LGI1: variants seen among roughly 807,000 people sequenced by gnomAD.
The protein encoded by LGI1 is leucine-rich glioma-inactivated protein 1.
A neutral mutation model predicts 57.7 loss-of-function variants in LGI1; 11 were observed. The observed-to-expected ratio is 0.19, with a 90% CI of 0.12 to 0.32. LGI1 has a LOEUF of 0.32. Among genes scored for constraint, LGI1 ranks in the 10% least tolerant of loss-of-function variants. The pLI is 1.00. For synonymous variants in LGI1, 222 were observed against 241.9 expected (o/e 0.92, Z 0.76); for missense variants, 422 against 661.9 (o/e 0.64, Z 3.98).
chr10:93,794,590 C>T (rs2134023397), intron 7 of LGI1: 1 of 152,196 alleles, frequency 6.6e-6, no homozygotes, highest in East Asian at 1.9e-4. Context: ...GTTTCGAATT[C>T]CTGGCCTCAA....
At chr10:93,768,962 G>A (rs1207244332) in intron 2 of LGI1, 1 of 152,210 alleles carries the variant, frequency 6.6e-6, no homozygotes, top group African/African-American at 2.4e-5. Context: ...TTTCAAGGTT[G>A]AGAGTCAAAA....
Position 93,797,922 on chromosome 10 carries a change from T to A in LGI1, c.*119T>A. 4 of 768,238 alleles carry A rather than the reference T, an allele frequency of 5.2e-6. No homozygotes were observed. In the South Asian group the frequency reaches 5.7e-5, roughly 11 times the overall value. The allele number at this position is 768,238 out of a possible 1,614,324, so 47.6% of individuals were successfully genotyped here. A position where few individuals can be genotyped will look rare whatever the true frequency, so the allele number is the denominator to read the frequency against. ...ATGAATGCCTTTCAAACATTGAGAC[T>A]GCTAGAACCAAGCACTACCAGTATC... On this transcript the variant is annotated 3_prime_UTR_variant, in exon 8 of 8. Coordinates refer to ENST00000371418, the MANE Select transcript of LGI1 (RefSeq NM_005097.4). The surrounding 1 kb of genome is among the most constrained non-coding windows in gnomAD (Gnocchi z 6.5).
chr10:93,796,521 C>T (rs2059981143), intron 7 of LGI1, among the ~76,000 whole-genome samples: 1 of 152,132 alleles, frequency 6.6e-6, no homozygotes, highest in Non-Finnish European at 1.5e-5. Flanking sequence ...TCAGTTTACT[C>T]ATGTGGAAAA....
intron 2 of LGI1, chr10:93,764,888 T>G (rs536535814): frequency 6.6e-6 from 1 of 152,286 alleles, no homozygotes; most frequent in South Asian, 2.1e-4. Context: ...AATCTCAGCT[T>G]TAAACATTTT....
At position 93,797,854 on chromosome 10, in the gene LGI1, G is replaced by A. The variant is rs185233213; in HGVS notation, c.*51G>A. ...AGAAATTTTCTACAGTACATGACCC[G>A]GATGAACTCAATGCATGATGACTCT... is the stretch of plus-strand genomic sequence containing the variant. On this transcript the variant is annotated 3_prime_UTR_variant, in exon 8 of 8. Coordinates refer to ENST00000371418, the MANE Select transcript of LGI1 (RefSeq NM_005097.4). The surrounding 1 kb of genome is among the most constrained non-coding windows in gnomAD (Gnocchi z 6.5). 55 of 1,235,408 alleles carry A rather than the reference G, an allele frequency of 4.5e-5. No individual in the cohort carries two copies. Among genetic ancestry groups the A allele is most frequent in the Non-Finnish European group, 4.8e-5 (41 of 848,752 alleles). 76.5% of individuals were successfully genotyped at this position (1,235,408 alleles called of 1,614,324 possible). A position where few individuals can be genotyped will look rare whatever the true frequency, so the allele number is the denominator to read the frequency against.
chr10:93,779,498 AAG>A (rs2059827550), intron 4 of LGI1, among the ~76,000 whole-genome samples: 1 of 148,948 alleles, frequency 6.7e-6, no homozygotes, highest in Non-Finnish European at 1.5e-5. Context: ...GGGAGGGAGA[AAG>A]AAAAAGAGGA....
At chr10:93,775,239 T>C (rs1589760443) in intron 2 of LGI1, among the ~76,000 whole-genome samples, 1 of 152,184 alleles carries the variant, frequency 6.6e-6, no homozygotes, top group Non-Finnish European at 1.5e-5. Flanking sequence ...CAATTACTCC[T>C]TGCCTCCAAG....
intron 2 of LGI1, chr10:93,771,938 G>A (rs1394361955): frequency 6.7e-6 from 1 of 149,742 alleles, no homozygotes; most frequent in East Asian, 2.0e-4. Flanking sequence ...TCGTGCCATG[G>A]CACTCCAGCC....
At chr10:93,776,083 T>G (rs1459782609) in intron 2 of LGI1, 1 of 152,202 alleles carries the variant, frequency 6.6e-6, no homozygotes, top group Non-Finnish European at 1.5e-5. Context: ...AATTCTAACA[T>G]GTGTCACTGT....
At chr10:93,766,919 G>A (rs2059686332) in intron 2 of LGI1, 1 of 152,046 alleles carries the variant, frequency 6.6e-6, no homozygotes, top group South Asian at 2.1e-4. Flanking sequence ...TCAATGTCAC[G>A]CCCCTATTAA....
chr10:93,781,315 C>T (rs1191008571), intron 4 of LGI1, among the ~76,000 whole-genome samples: 10 of 152,046 alleles, frequency 6.6e-5, no homozygotes, highest in African/African-American at 2.2e-4. Flanking sequence ...GCCGAGATCA[C>T]GCCATTGCAC....
At chr10:93,766,542 T>G (rs1283822046) in intron 2 of LGI1, among the ~76,000 whole-genome samples, 1 of 57,944 alleles carries the variant, frequency 1.7e-5, no homozygotes, top group Non-Finnish European at 3.1e-5. Flanking sequence ...TCTCGCTCTG[T>G]CCCCCAGGCT....
chr10:93,776,749 T>A (rs1384896598), intron 2 of LGI1: 1 of 153,926 alleles, frequency 6.5e-6, no homozygotes, highest in Non-Finnish European at 1.4e-5. Flanking sequence ...ACCAAATCCT[T>A]GTGGATTTTG....
At chr10:93,790,306 C>A in intron 5 of LGI1, 136 bp downstream of exon 5, 2 of 787,736 alleles carry the variant, frequency 2.5e-6, no homozygotes, top group South Asian at 1.8e-5. Flanking sequence ...TTTAACTGGC[C>A]AAAAATTTAA....
At chr10:93,773,640 G>A (rs965773932) in intron 2 of LGI1, among the ~76,000 whole-genome samples, 1 of 152,106 alleles carries the variant, frequency 6.6e-6, no homozygotes, top group African/African-American at 2.4e-5. Context: ...ATACTCCCGT[G>A]GTTGCAGAAG....
intron 7 of LGI1, chr10:93,794,766 GTT>G (rs34757375): frequency 6.6e-6 from 1 of 152,066 alleles, no homozygotes. Context: ...TTTAATATCA[GTT>G]TTAGCTTCTA....
intron 4 of LGI1, chr10:93,789,832 A>AC: frequency 2.3e-6 from 1 of 428,960 alleles, no homozygotes; most frequent in East Asian, 4.1e-5. Context: ...AGGTCACACC[A>AC]CTTCACTCCA....
At chr10:93,767,078 G>A (rs1233191600) in intron 2 of LGI1, 1 of 152,172 alleles carries the variant, frequency 6.6e-6, no homozygotes, top group Non-Finnish European at 1.5e-5. Flanking sequence ...CCATTAACAA[G>A]AGTTTTCAGG....
chr10:93,774,830 A>G (rs933251135), intron 2 of LGI1, among the ~76,000 whole-genome samples: 2 of 152,180 alleles, frequency 1.3e-5, no homozygotes, highest in South Asian at 2.1e-4. Context: ...GAAATCAAAC[A>G]TATTTAGAGG....
Sources: gnomAD v4.1 joint callset for allele counts (sites outside exome capture counted in the v4.1 genomes callset) on GRCh38, gnomAD v4.1.1 for gene constraint, Gnocchi (gnomAD v3.1) non-coding constraint, MANE v1.5 for transcripts, NCBI Gene and HGNC (gene_info 2026-07-23, HGNC 2026-07-21) for gene names.